COL24A1: variants seen among roughly 807,000 people sequenced by gnomAD.
COL24A1 encodes collagen type XXIV alpha 1 chain.
COL24A1 carries 224 observed loss-of-function variants against 253.9 expected under a neutral mutation model. The ratio of observed to expected loss-of-function variants is 0.88; its 90% confidence interval spans 0.79 to 0.99. COL24A1 has a LOEUF of 0.99. COL24A1 is among the 50% of genes least tolerant of loss of function. The pLI, the probability that COL24A1 is intolerant of heterozygous loss-of-function variation, is 0.00. For synonymous variants in COL24A1, 685 were observed against 673.7 expected (o/e 1.02, Z -0.26); for missense variants, 2,131 against 2,068.5 (o/e 1.03, Z -0.59).
rs11161751 is a variant in COL24A1, at chr1:86,140,624, C to T, written c.121+5495G>A. Among the ~76,000 whole-genome samples the T allele has an allele frequency of 2.5e-3, 385 of 152,262 alleles. 2 individuals are homozygous for T. Among genetic ancestry groups the T allele is most frequent in the African/African-American group, 8.7e-3 (361 of 41,546 alleles). Reference sequence around the variant, plus strand: ...GATTTTTACACACGTGGTTTTCACACCTAGGGATCATGAACCTGAGAAAGA... The same window carrying T: ...GATTTTTACACACGTGGTTTTCACATCTAGGGATCATGAACCTGAGAAAGA... On this transcript the variant is annotated intron_variant, in intron 2 of 59. Transcript: ENST00000370571.
chr1:86,062,008 A>T (rs1169036332), intron 8 of COL24A1, among the ~76,000 whole-genome samples: 1 of 152,074 alleles, frequency 6.6e-6, no homozygotes, highest in Admixed American at 6.6e-5. Context: ...AAATAGAATA[A>T]CAGCACTCAT....
intron 10 of COL24A1, among the ~76,000 whole-genome samples, chr1:86,055,261 A>C (rs1473786506): frequency 6.6e-6 from 1 of 152,220 alleles, no homozygotes; most frequent in Non-Finnish European, 1.5e-5. Context: ...ATACCCATGT[A>C]ACAAAGCTGC....
chr1:86,013,773 T>A (rs1559006919), intron 19 of COL24A1, among the ~76,000 whole-genome samples: 1 of 152,042 alleles, frequency 6.6e-6, no homozygotes, highest in Non-Finnish European at 1.5e-5. Context: ...GAGGCAGAGG[T>A]TGCAATGAGC....
chr1:85,864,713 T>G (rs1679585353), intron 37 of COL24A1, among the ~76,000 whole-genome samples: 1 of 152,190 alleles, frequency 6.6e-6, no homozygotes, highest in Non-Finnish European at 1.5e-5. Context: ...TATCTTCCCT[T>G]AAGATATTTA....
chr1:86,058,031 A>G (rs1700787559), intron 9 of COL24A1, 56 bp from the exon 10 acceptor site: 1 of 1,422,164 alleles, frequency 7.0e-7, no homozygotes, highest in Admixed American at 1.9e-5. Context: ...AAGAGTTAAT[A>G]AATAGATTAA....
chr1:85,912,282 G>A (rs1428037747), intron 24 of COL24A1, among the ~76,000 whole-genome samples: 2 of 152,128 alleles, frequency 1.3e-5, no homozygotes, highest in African/African-American at 2.4e-5. Context: ...ACACGTCTCA[G>A]GGTTTTTCCA....
At chr1:85,756,641 G>C (rs1570471823) in intron 55 of COL24A1, among the ~76,000 whole-genome samples, 1 of 152,092 alleles carries the variant, frequency 6.6e-6, no homozygotes, top group African/African-American at 2.4e-5. Flanking sequence ...TGGCAGCTAT[G>C]GAAAACAGTA....
At position 85,730,231 on chromosome 1, in the gene COL24A1, T is replaced by C. The variant is rs1267520948; in HGVS notation, c.*315A>G. ...GTGCTCTGCATCTCCAGCTGTCTAA[T>C]GGGTACTACGCACTCAGTCAAAAAT... On this transcript the variant is annotated 3_prime_UTR_variant, in exon 60 of 60. Coordinates refer to ENST00000370571, the MANE Select transcript of COL24A1 (RefSeq NM_152890.7). The C allele has an allele frequency of 5.2e-6, 1 of 193,254 alleles. No homozygotes were observed. The highest frequency in any genetic ancestry group is 2.3e-5 in the African/African-American group (1 of 42,582). The allele number at this position is 193,254 out of a possible 1,614,324, so 12.0% of individuals were successfully genotyped here. A position where few individuals can be genotyped will look rare whatever the true frequency, so the allele number is the denominator to read the frequency against.
In COL24A1 at chr1:85,886,083, G is replaced by A. The variant is rs374968039; in HGVS notation, c.2976+3477C>T. 2.1e-3 allele frequency among the ~76,000 whole-genome samples: 315 copies of A among 150,212 alleles called. 10 individuals are homozygous for A. The South Asian group carries it at 0.053, about 25-fold the overall frequency. On this transcript the variant is annotated intron_variant, in intron 32 of 59. Coordinates refer to ENST00000370571, the MANE Select transcript of COL24A1 (RefSeq NM_152890.7). ...ACACAATAACTTTTTTTTTTTTTGA[G>A]ATGGAATCTCACTCTATCACCCAGG...
rs574044290 is a variant in COL24A1 at position 86,005,002 on chromosome 1, T to G, written c.2310+12149A>C. Reference sequence around the variant, plus strand: ...TACTCCTGTCAAACATACATGCTCTTCAGCAATGAAGGTTTAGGTTGTACT... The same window carrying G: ...TACTCCTGTCAAACATACATGCTCTGCAGCAATGAAGGTTTAGGTTGTACT... On this transcript the variant is annotated intron_variant, in intron 19 of 59. Coordinates refer to ENST00000370571, the MANE Select transcript of COL24A1 (RefSeq NM_152890.7). Among the ~76,000 whole-genome samples, 25 of 152,296 alleles carry G rather than the reference T, an allele frequency of 1.6e-4. No individual in the cohort carries two copies. The South Asian group carries it at 4.1e-3, about 25-fold the overall frequency.
intron 47 of COL24A1, among the ~76,000 whole-genome samples, chr1:85,808,133 A>G (rs1242596732): frequency 3.9e-5 from 6 of 152,196 alleles, no homozygotes; most frequent in Admixed American, 1.3e-4. Flanking sequence ...CTCCTCACCA[A>G]TATAAATCTA....
chr1:86,076,007 C>G (rs1702220165), intron 7 of COL24A1, among the ~76,000 whole-genome samples: 1 of 152,152 alleles, frequency 6.6e-6, no homozygotes, highest in South Asian at 2.1e-4. Flanking sequence ...CCTCTCTCAC[C>G]ACTTCTATTC....
At chr1:85,813,610 G>A (rs1672780950) in intron 47 of COL24A1, among the ~76,000 whole-genome samples, 1 of 139,668 alleles carries the variant, frequency 7.2e-6, no homozygotes, top group Non-Finnish European at 1.5e-5. Flanking sequence ...GAGTGCAGTG[G>A]CGGGATCTCG....
At chr1:86,148,812 G>A (rs1297639705) in intron 1 of COL24A1, among the ~76,000 whole-genome samples, 3 of 152,048 alleles carry the variant, frequency 2.0e-5, no homozygotes, top group Admixed American at 1.3e-4. Context: ...ATAAACATAC[G>A]TGTGCATGTG....
intron 24 of COL24A1, among the ~76,000 whole-genome samples, chr1:85,927,274 G>C (rs1052246265): frequency 6.6e-6 from 1 of 152,214 alleles, no homozygotes; most frequent in Admixed American, 6.5e-5. Flanking sequence ...CCTGGGAAGC[G>C]CAAGGAGTCA....
Position 85,761,579 on chromosome 1 carries a change from G to C in COL24A1, c.4375-13C>G, listed in dbSNP as rs1350953256. 2 of 1,613,984 alleles carry C rather than the reference G, an allele frequency of 1.2e-6. No individual in the cohort carries two copies. Among genetic ancestry groups the C allele is most frequent in the South Asian group, 1.1e-5 (1 of 91,078 alleles). ...GTCCTTGAGGACCCTGGAAGAAATG[G>C]AGACAAACACAAGACCTATATATTA... On this transcript the variant is annotated splice_polypyrimidine_tract_variant and intron_variant, in intron 53 of 59. Coordinates refer to ENST00000370571, the MANE Select transcript of COL24A1 (RefSeq NM_152890.7).
intron 2 of COL24A1, among the ~76,000 whole-genome samples, chr1:86,134,943 T>G (rs1247864227): frequency 6.6e-6 from 1 of 151,350 alleles, no homozygotes; most frequent in African/African-American, 2.4e-5. Context: ...AATGCTGACA[T>G]TGGGGTGTTA....
chr1:85,909,940 G>A lies in COL24A1; in HGVS notation c.2670+10C>T, dbSNP rs772952075. ...TTGGAAACATATTTTTCAAATCACT[G>A]AGCTCTTACCATAACACCTTTTTCT... On this transcript the variant is annotated intron_variant, in intron 26 of 59. Transcript: ENST00000370571. The A allele has an allele frequency of 3.6e-5, 58 of 1,605,172 alleles. No homozygotes were observed. Among genetic ancestry groups the A allele is most frequent in the Non-Finnish European group, 4.8e-5 (56 of 1,172,688 alleles).
chr1:86,018,822 A>T (rs1697231788), intron 18 of COL24A1, among the ~76,000 whole-genome samples: 1 of 152,186 alleles, frequency 6.6e-6, no homozygotes, highest in South Asian at 2.1e-4. Context: ...TTCTTGGTCT[A>T]AAGGAAAGTG....
Sources: allele counts gnomAD v4.1 joint callset (sites outside exome capture counted in the v4.1 genomes callset), GRCh38; gene constraint gnomAD v4.1.1; transcripts MANE v1.5; gene names NCBI Gene and HGNC (gene_info 2026-07-23, HGNC 2026-07-21).